Variants in TEAD1 observed in about 807,000 individuals in gnomAD.
TEAD1 encodes the protein TEA domain transcription factor 1, also known as transcriptional enhancer factor TEF-1.
In TEAD1, 9 loss-of-function variants were observed where a neutral mutation model predicts 54.9. That is an observed-to-expected ratio of 0.16 (90% confidence interval 0.10 to 0.29). The LOEUF (loss-of-function observed/expected upper bound fraction) is 0.29, where lower values mean the gene tolerates loss of function less well. Among genes scored for constraint, TEAD1 ranks in the 10% least tolerant of loss-of-function variants. TEAD1 has a pLI of 1.00. For synonymous variants in TEAD1, 200 were observed against 187.8 expected (o/e 1.07, Z -0.53); for missense variants, 387 against 535.9 (o/e 0.72, Z 2.74).
chr11:12,836,743 C>T (rs936151285), intron 3 of TEAD1, among the ~76,000 whole-genome samples: 6 of 152,208 alleles, frequency 3.9e-5, no homozygotes, highest in East Asian at 1.9e-4. Context: ...ACCACCCATT[C>T]TTGTGCTGAC....
intron 2 of TEAD1, among the ~76,000 whole-genome samples, chr11:12,752,079 G>C (rs1264020930): frequency 2.0e-5 from 3 of 152,104 alleles, no homozygotes; most frequent in Non-Finnish European, 2.9e-5. Flanking sequence ...CCCATTGGCT[G>C]TTTCTTCTAA....
chr11:12,868,736 A>G (rs1947677602), intron 5 of TEAD1, among the ~76,000 whole-genome samples: 1 of 152,212 alleles, frequency 6.6e-6, no homozygotes, highest in African/African-American at 2.4e-5. Context: ...TGATTACTGA[A>G]TTCAGTCCAG....
At chr11:12,805,881 A>G (rs1946160817) in intron 3 of TEAD1, among the ~76,000 whole-genome samples, 1 of 152,036 alleles carries the variant, frequency 6.6e-6, no homozygotes. Flanking sequence ...TGGTTTTATG[A>G]TGTTTCTTTT....
intron 3 of TEAD1, among the ~76,000 whole-genome samples, chr11:12,840,459 T>G (rs1274017624): frequency 6.6e-6 from 1 of 152,044 alleles, no homozygotes; most frequent in East Asian, 1.9e-4. Flanking sequence ...AATTAAATTG[T>G]AAAGAGGTCA....
At chr11:12,773,262 G>A (rs1176988798) in intron 3 of TEAD1, among the ~76,000 whole-genome samples, 2 of 152,174 alleles carry the variant, frequency 1.3e-5, no homozygotes, top group Non-Finnish European at 2.9e-5. Context: ...ATGAAACTAA[G>A]TATTCACTTA....
intron 2 of TEAD1, among the ~76,000 whole-genome samples, chr11:12,746,124 A>C (rs953840701): frequency 5.3e-5 from 8 of 152,230 alleles, no homozygotes; most frequent in Non-Finnish European, 1.0e-4. Context: ...ATTGAAGTTA[A>C]CTTTATTTGA....
At chr11:12,728,789 G>A (rs1944363661) in intron 2 of TEAD1, among the ~76,000 whole-genome samples, 1 of 152,170 alleles carries the variant, frequency 6.6e-6, no homozygotes, top group Admixed American at 6.5e-5. Flanking sequence ...GAAAAATAAG[G>A]CCCTTCTTTA....
At chr11:12,791,107 G>C (rs180923349) in intron 3 of TEAD1, among the ~76,000 whole-genome samples, 12 of 152,292 alleles carry the variant, frequency 7.9e-5, no homozygotes, top group South Asian at 2.1e-4. Context: ...TTATGGATTG[G>C]ATGTTAGGAC....
intron 5 of TEAD1, chr11:12,865,500 A>T (rs1045781986): frequency 6.5e-6 from 1 of 152,754 alleles, no homozygotes; most frequent in Non-Finnish European, 1.5e-5. Context: ...TGGCGCTCTT[A>T]TTAAAAGAGA....
At chr11:12,820,037 G>GGGGAGGGA (rs1164285456) in intron 3 of TEAD1, among the ~76,000 whole-genome samples, 2 of 151,514 alleles carry the variant, frequency 1.3e-5, no homozygotes, top group Non-Finnish European at 2.9e-5. Flanking sequence ...AGGGAGTTGT[G>GGGGAGGGA]GGGAGGGAGG....
chr11:12,832,931 A>C (rs1045883234), intron 3 of TEAD1, among the ~76,000 whole-genome samples: 15 of 152,174 alleles, frequency 9.9e-5, no homozygotes, highest in Admixed American at 8.5e-4. Flanking sequence ...TCCTCAGGGG[A>C]CCACTAATAA....
chr11:12,920,623 A>G (rs1053462522), intron 10 of TEAD1, among the ~76,000 whole-genome samples: 3 of 152,160 alleles, frequency 2.0e-5, no homozygotes, highest in African/African-American at 7.2e-5. Flanking sequence ...CAGGTATTCT[A>G]CCACACCCAG....
chr11:12,700,373 A>C (rs1412026549), intron 2 of TEAD1, among the ~76,000 whole-genome samples: 1 of 152,242 alleles, frequency 6.6e-6, no homozygotes, highest in Non-Finnish European at 1.5e-5. Flanking sequence ...ACAAATACCC[A>C]ACCTGTGTGC....
At chr11:12,829,784 C>T (rs1946734121) in intron 3 of TEAD1, among the ~76,000 whole-genome samples, 1 of 152,198 alleles carries the variant, frequency 6.6e-6, no homozygotes, top group Non-Finnish European at 1.5e-5. Flanking sequence ...ATCCTGAAGA[C>T]TGTATCTGGT....
chr11:12,687,884 C>T (rs1170680992), intron 2 of TEAD1, among the ~76,000 whole-genome samples: 1 of 152,120 alleles, frequency 6.6e-6, no homozygotes, highest in Non-Finnish European at 1.5e-5. Context: ...GGGCAGGACT[C>T]CTCCGGGCCA....
chr11:12,942,254 G>A lies in TEAD1; in HGVS notation c.*5032G>A, dbSNP rs1949168152. On this transcript the variant is annotated 3_prime_UTR_variant, in exon 13 of 13. Transcript: ENST00000527636. ...TGGTTTGAGATTCCAGCTTAGAAAA[G>A]TGCTGCCATAATAACGATAATTTGT... is the stretch of plus-strand genomic sequence containing the variant. The A allele has an allele frequency of 6.6e-6, 1 of 152,618 alleles. No individual in the cohort carries two copies. Among genetic ancestry groups the A allele is most frequent in the African/African-American group, 2.4e-5 (1 of 41,446 alleles). The allele number at this position is 152,618 out of a possible 1,614,324, so 9.5% of individuals were successfully genotyped here. A position where few individuals can be genotyped will look rare whatever the true frequency, so the allele number is the denominator to read the frequency against.
chr11:12,812,616 T>C (rs1042099556), intron 3 of TEAD1, among the ~76,000 whole-genome samples: 3 of 152,210 alleles, frequency 2.0e-5, no homozygotes, highest in Non-Finnish European at 4.4e-5. Flanking sequence ...TTCTTCCAGA[T>C]AGAATATCTA....
intron 3 of TEAD1, among the ~76,000 whole-genome samples, chr11:12,802,754 A>G (rs1490808632): frequency 6.6e-6 from 1 of 152,194 alleles, no homozygotes. Flanking sequence ...CGATTGCGCA[A>G]GGCTGGAAGC....
At chr11:12,734,101 A>T (rs1486834670) in intron 2 of TEAD1, among the ~76,000 whole-genome samples, 1 of 152,154 alleles carries the variant, frequency 6.6e-6, no homozygotes, top group Non-Finnish European at 1.5e-5. Context: ...TTTTTTGTGG[A>T]GGTAGGATCT....
Sources: gnomAD v4.1 joint callset for allele counts (sites outside exome capture counted in the v4.1 genomes callset) on GRCh38, gnomAD v4.1.1 for gene constraint, MANE v1.5 for transcripts, NCBI Gene and HGNC (gene_info 2026-07-23, HGNC 2026-07-21) for gene names.